The following DOCK2 variants were observed in gnomAD, a reference collection of about 807,000 sequenced individuals.
DOCK2 encodes the protein dedicator of cytokinesis 2.
DOCK2 carries 87 observed loss-of-function variants against 248.9 expected under a neutral mutation model. That is an observed-to-expected ratio of 0.35 (90% CI 0.29 to 0.42). The LOEUF is 0.42. DOCK2 is among the 10% of genes least tolerant of loss of function. The probability of loss-of-function intolerance (pLI) is 1.00; values close to 1 mark genes in which losing one functional copy is unlikely to be tolerated. For missense variants in DOCK2, 1,747 were observed against 2,300.2 expected (o/e 0.76, Z 4.92); for synonymous variants, 805 against 821.6 (o/e 0.98, Z 0.35).
chr5:169,800,337 G>A lies in DOCK2; in HGVS notation c.2555-2721G>A, dbSNP rs560681997. On this transcript the variant is annotated intron_variant, in intron 25 of 51. Transcript: ENST00000520908. ...GATTTATATTCTCTAAACCACCAGTGTTCCCTAAATCCTCACTCTTCCTAT... is the reference window on the plus strand; with the variant it reads ...GATTTATATTCTCTAAACCACCAGTATTCCCTAAATCCTCACTCTTCCTAT... Among the ~76,000 whole-genome samples the A allele has an allele frequency of 2.6e-5, 4 of 152,212 alleles. No individual in the cohort carries two copies. The South Asian group carries it at 6.2e-4, about 24-fold the overall frequency.
intron 26 of DOCK2, among the ~76,000 whole-genome samples, chr5:169,811,657 C>T (rs1407306930): frequency 6.6e-6 from 1 of 152,216 alleles, no homozygotes; most frequent in African/African-American, 2.4e-5. Context: ...ACTTCCCCAG[C>T]ACCTTCTAAC....
At chr5:169,815,606 A>G (rs1050491244) in intron 26 of DOCK2, among the ~76,000 whole-genome samples, 6 of 152,168 alleles carry the variant, frequency 3.9e-5, no homozygotes, top group Non-Finnish European at 8.8e-5. Flanking sequence ...TTAAAAACTC[A>G]GTATTTTGTT....
intron 26 of DOCK2, among the ~76,000 whole-genome samples, chr5:169,815,936 TA>T (rs1202934918): frequency 6.6e-6 from 1 of 152,184 alleles, no homozygotes; most frequent in Non-Finnish European, 1.5e-5. Context: ...AACCCTTGCA[TA>T]AAAGCACTAG....
chr5:169,883,198 T>G (rs1425348607), intron 27 of DOCK2: 1 of 1,551,464 alleles, frequency 6.4e-7, no homozygotes, highest in Non-Finnish European at 8.7e-7. Flanking sequence ...ATCCAAAGGG[T>G]GTATGGAGTT....
intron 2 of DOCK2, among the ~76,000 whole-genome samples, chr5:169,659,269 A>T (rs1161170664): frequency 6.6e-6 from 1 of 152,066 alleles, no homozygotes; most frequent in African/African-American, 2.4e-5. Flanking sequence ...CATCTTGGGT[A>T]TGTAAGCTTT....
chr5:169,675,219 A>AGGGTCCACCTGGAGTCC (rs1329786308), intron 6 of DOCK2, among the ~76,000 whole-genome samples: 1 of 152,204 alleles, frequency 6.6e-6, no homozygotes, highest in Non-Finnish European at 1.5e-5. Flanking sequence ...GTCTGGCTCC[A>AGGGTCCACCTGGAGTCC]GGGTCCACCT....
intron 22 of DOCK2, among the ~76,000 whole-genome samples, chr5:169,723,546 G>C (rs879672360): frequency 1.3e-5 from 2 of 151,942 alleles, no homozygotes; most frequent in African/African-American, 2.4e-5. Flanking sequence ...TTCTACGGAG[G>C]ACCCCATTTT....
At chr5:169,934,280 CG>C (rs1345272218) in intron 27 of DOCK2, among the ~76,000 whole-genome samples, 3 of 152,232 alleles carry the variant, frequency 2.0e-5, no homozygotes, top group Admixed American at 2.0e-4. Context: ...TGTATTTACC[CG>C]GGAAGACTTC....
intron 41 of DOCK2, among the ~76,000 whole-genome samples, chr5:170,054,191 G>A (rs992071928): frequency 1.3e-5 from 2 of 152,236 alleles, no homozygotes; most frequent in African/African-American, 4.8e-5. Context: ...TACTGGCCTA[G>A]CTTTGAATGC....
At chr5:169,812,528 G>GA (rs1167338929) in intron 26 of DOCK2, among the ~76,000 whole-genome samples, 14 of 152,186 alleles carry the variant, frequency 9.2e-5, no homozygotes, top group African/African-American at 2.7e-4. Context: ...TCCGTTTTGT[G>GA]AAAAAATTGT....
chr5:169,874,790 AGGAAGGAAC>A (rs1009157751), intron 27 of DOCK2, among the ~76,000 whole-genome samples: 1 of 152,114 alleles, frequency 6.6e-6, no homozygotes, highest in African/African-American at 2.4e-5. Flanking sequence ...GAGAGGTGGG[AGGAAGGAAC>A]GGTTACAGCT....
chr5:169,813,984 A>G (rs938088808), intron 26 of DOCK2, among the ~76,000 whole-genome samples: 2 of 152,206 alleles, frequency 1.3e-5, no homozygotes, highest in South Asian at 2.1e-4. Flanking sequence ...AAAATTAGGA[A>G]AAGTTGATTT....
At chr5:170,028,070 G>A (rs1755985689) in intron 34 of DOCK2, 122 bp downstream of exon 34, 18 of 742,908 alleles carry the variant, frequency 2.4e-5, no homozygotes, top group Non-Finnish European at 3.4e-5. Context: ...AGAGGCTCAT[G>A]GGTATTGGCA....
intron 47 of DOCK2, among the ~76,000 whole-genome samples, 179 bp from the exon 48 acceptor site, chr5:170,077,531 T>C (rs555025318): frequency 1.2e-4 from 18 of 152,234 alleles, no homozygotes; most frequent in Non-Finnish European, 2.4e-4. Context: ...GGAGTAAAGG[T>C]CATCCACATT....
At chr5:169,756,337 C>A (rs774934293) in intron 23 of DOCK2, among the ~76,000 whole-genome samples, 2 of 152,204 alleles carry the variant, frequency 1.3e-5, no homozygotes, top group Non-Finnish European at 2.9e-5. Context: ...GCCAGCAACT[C>A]GCAGCAGACA....
rs961013748 is a variant in DOCK2 at position 170,083,149 on chromosome 5, A to C, written c.*291A>C. Reference sequence around the variant, plus strand: ...GTGCTCTCCCCAACATCCTAGGCACAGCTTTCATAACCCAGTTTCTTAGGT... The same window carrying C: ...GTGCTCTCCCCAACATCCTAGGCACCGCTTTCATAACCCAGTTTCTTAGGT... On this transcript the variant is annotated 3_prime_UTR_variant, in exon 52 of 52. Transcript: ENST00000520908. The C allele has an allele frequency of 3.0e-5, 11 of 368,668 alleles. No individual in the cohort carries two copies. The South Asian group carries it at 3.1e-4, about 10-fold the overall frequency. The allele number at this position is 368,668 out of a possible 1,614,324, so 22.8% of individuals were successfully genotyped here.
At chr5:169,887,223 C>T (rs1773022447) in intron 27 of DOCK2, among the ~76,000 whole-genome samples, 1 of 152,178 alleles carries the variant, frequency 6.6e-6, no homozygotes, top group South Asian at 2.1e-4. Context: ...AGTCATTATT[C>T]TGGTGTTAGC....
chr5:169,934,891 G>A, intron 27 of DOCK2: 1 of 353,290 alleles, frequency 2.8e-6, no homozygotes, highest in Non-Finnish European at 5.6e-6. Context: ...CCTTACACTT[G>A]ATATTTATTC....
At chr5:169,857,994 A>G (rs72841199) in intron 27 of DOCK2, among the ~76,000 whole-genome samples, 51,874 of 152,062 alleles carry the variant, frequency 0.34, 10,326 homozygotes, top group Admixed American at 0.44. Flanking sequence ...TTCTTTATGT[A>G]TAGATTTATA....
Sources: gnomAD v4.1 joint callset for allele counts (sites outside exome capture counted in the v4.1 genomes callset) on GRCh38, gnomAD v4.1.1 for gene constraint, MANE v1.5 for transcripts, NCBI Gene and HGNC (gene_info 2026-07-23, HGNC 2026-07-21) for gene names.